ANO3: variants seen among roughly 807,000 people sequenced by gnomAD.
ANO3 encodes the protein anoctamin-3.
In ANO3, 99 loss-of-function variants were observed where a neutral mutation model predicts 144.8. The observed-to-expected ratio is 0.68, with a 90% CI of 0.58 to 0.81. The LOEUF is 0.81. Ranked by LOEUF, ANO3 falls within the 30% of genes least tolerant of loss-of-function variation. The pLI is 0.00. For missense variants in ANO3, 905 were observed against 1,202.2 expected (o/e 0.75, Z 3.66); for synonymous variants, 414 against 392.6 (o/e 1.05, Z -0.64).
chr11:26,473,117 G>A (rs181963000), intron 4 of ANO3, among the ~76,000 whole-genome samples: 1 of 151,966 alleles, frequency 6.6e-6, no homozygotes, highest in Non-Finnish European at 1.5e-5. Context: ...TTCAAACATT[G>A]TGTGAAGTTA....
At chr11:26,639,367 C>A in intron 21 of ANO3, 126 bp downstream of exon 21, 1 of 670,048 alleles carries the variant, frequency 1.5e-6, no homozygotes, top group Non-Finnish European at 2.6e-6. Flanking sequence ...TCCTGTTCTG[C>A]TCCTTACTAA....
chr11:26,300,589 A>G (rs1854203728), intron 1 of ANO3, among the ~76,000 whole-genome samples: 1 of 152,186 alleles, frequency 6.6e-6, no homozygotes, highest in African/African-American at 2.4e-5. Flanking sequence ...AGGACCAGAT[A>G]AAAAGGATTG....
chr11:26,556,484 A>G (rs1420852222), intron 13 of ANO3, among the ~76,000 whole-genome samples: 1 of 152,022 alleles, frequency 6.6e-6, no homozygotes, highest in Non-Finnish European at 1.5e-5. Flanking sequence ...AGGAGTCTGT[A>G]TAAGACTGTA....
intron 14 of ANO3, among the ~76,000 whole-genome samples, chr11:26,564,666 AACTCATATATATAT>A (rs1850445775): frequency 7.4e-6 from 1 of 135,926 alleles, no homozygotes; most frequent in Non-Finnish European, 1.6e-5. Context: ...ACTTTTTAAA[AACTCATATATATAT>A]ACTCATATAT....
At chr11:26,624,921 C>CTTTT (rs34454148) in intron 18 of ANO3, among the ~76,000 whole-genome samples, 2 of 144,586 alleles carry the variant, frequency 1.4e-5, no homozygotes, top group Non-Finnish European at 1.5e-5. Flanking sequence ...TACTTTTTAA[C>CTTTT]TTTTTTTTTT....
chr11:26,316,499 C>T (rs554551629), intron 1 of ANO3, among the ~76,000 whole-genome samples: 4 of 152,148 alleles, frequency 2.6e-5, no homozygotes, highest in African/African-American at 7.2e-5. Flanking sequence ...TATCCATAAG[C>T]TATTTTTAGT....
At chr11:26,423,635 C>T (rs1043639221) in intron 1 of ANO3, among the ~76,000 whole-genome samples, 4 of 151,786 alleles carry the variant, frequency 2.6e-5, no homozygotes, top group Admixed American at 1.3e-4. Flanking sequence ...CCAAGCACAA[C>T]GTGTTCATTT....
intron 1 of ANO3, among the ~76,000 whole-genome samples, chr11:26,339,118 G>A (rs12793737): frequency 2.6e-5 from 4 of 151,456 alleles, no homozygotes; most frequent in East Asian, 1.9e-4. Flanking sequence ...AAGATCTAGG[G>A]TTTGAACGCA....
At chr11:26,377,108 A>C (rs75101936) in intron 1 of ANO3, among the ~76,000 whole-genome samples, 1 of 152,270 alleles carries the variant, frequency 6.6e-6, no homozygotes, top group African/African-American at 2.4e-5. Context: ...GAAAGAAAAC[A>C]AAAATATCCT....
In ANO3 at chr11:26,378,357, ATATC is replaced by A. The variant is rs367668211; in HGVS notation, c.46+46040_46+46043del. 2.8e-3 allele frequency among the ~76,000 whole-genome samples: 422 copies of A among 148,198 alleles called. 3 individuals are homozygous for A. The highest frequency in any genetic ancestry group is 9.4e-3 in the African/African-American group (384 of 40,892). ...AACTATAGATTATATATATCTATAA[ATATC>A]TATATATTATCTATATATCTATATA... is the stretch of plus-strand genomic sequence containing the variant. On this transcript the variant is annotated intron_variant, in intron 1 of 26. Coordinates refer to ENST00000256737, the MANE Select transcript of ANO3 (RefSeq NM_031418.4).
chr11:26,397,796 C>T (rs1475042263), intron 1 of ANO3, among the ~76,000 whole-genome samples: 2 of 152,044 alleles, frequency 1.3e-5, no homozygotes, highest in Non-Finnish European at 2.9e-5. Context: ...AGAACTGATT[C>T]TACCTAACTA....
At chr11:26,475,950 TA>T (rs1404910307) in intron 4 of ANO3, among the ~76,000 whole-genome samples, 2 of 151,914 alleles carry the variant, frequency 1.3e-5, no homozygotes, top group Non-Finnish European at 2.9e-5. Flanking sequence ...GAGGGCTGGT[TA>T]AAAAAATAGA....
At chr11:26,536,591 G>A (rs988680358) in intron 9 of ANO3, among the ~76,000 whole-genome samples, 3 of 151,732 alleles carry the variant, frequency 2.0e-5, no homozygotes, top group Non-Finnish European at 4.4e-5. Flanking sequence ...TAAATTAGAT[G>A]TCTTAGCGTT....
intron 1 of ANO3, among the ~76,000 whole-genome samples, chr11:26,399,891 C>T (rs1486712044): frequency 1.3e-5 from 2 of 152,010 alleles, no homozygotes; most frequent in East Asian, 3.9e-4. Flanking sequence ...ATCTGAGATA[C>T]ATTATATTGG....
chr11:26,410,738 C>T (rs762059354), intron 1 of ANO3, among the ~76,000 whole-genome samples: 79 of 151,966 alleles, frequency 5.2e-4, no homozygotes, highest in African/African-American at 1.9e-3. Flanking sequence ...TTCTGCTCTA[C>T]GAAAAGAAGG....
intron 14 of ANO3, among the ~76,000 whole-genome samples, chr11:26,563,829 G>C (rs1489530600): frequency 2.6e-5 from 4 of 151,778 alleles, no homozygotes; most frequent in African/African-American, 9.7e-5. Context: ...TGCATATCAA[G>C]AACAGTTGTC....
At chr11:26,480,567 G>A (rs1860171236) in intron 4 of ANO3, among the ~76,000 whole-genome samples, 1 of 152,132 alleles carries the variant, frequency 6.6e-6, no homozygotes, top group African/African-American at 2.4e-5. Flanking sequence ...CAACACTTTG[G>A]GAGGCCAAGA....
At chr11:26,654,481 T>G (rs559319737) in intron 24 of ANO3, among the ~76,000 whole-genome samples, 4 of 152,242 alleles carry the variant, frequency 2.6e-5, no homozygotes, top group South Asian at 2.1e-4. Context: ...CCTTGATAAA[T>G]TCACTCATTA....
chr11:26,548,871 C>T (rs1477192730), intron 12 of ANO3, among the ~76,000 whole-genome samples: 2 of 151,486 alleles, frequency 1.3e-5, no homozygotes, highest in South Asian at 2.1e-4. Flanking sequence ...TCCTCCTTTT[C>T]GGCATTTCCC....
Sources: gnomAD v4.1 joint callset for allele counts (sites outside exome capture counted in the v4.1 genomes callset) on GRCh38, gnomAD v4.1.1 for gene constraint, MANE v1.5 for transcripts, NCBI Gene and HGNC (gene_info 2026-07-23, HGNC 2026-07-21) for gene names.